The following WDR72 variants were observed in gnomAD, a reference collection of about 807,000 sequenced individuals.
WDR72 encodes the protein WD repeat domain 72, also known as WD repeat-containing protein 72.
A neutral mutation model predicts 124.2 loss-of-function variants in WDR72; 120 were observed. The observed-to-expected ratio is 0.97, with a 90% CI of 0.83 to 1.12. WDR72 has a LOEUF of 1.12. Among genes scored for constraint, WDR72 ranks in the 50% most tolerant of loss-of-function variants. The pLI is 0.00. For synonymous variants in WDR72, 452 were observed against 441.7 expected (o/e 1.02, Z -0.29); for missense variants, 1,387 against 1,278.8 (o/e 1.08, Z -1.29).
At chr15:53,662,377 T>A (rs963886194) in intron 14 of WDR72, among the ~76,000 whole-genome samples, 2 of 152,208 alleles carry the variant, frequency 1.3e-5, no homozygotes, top group Non-Finnish European at 2.9e-5. Context: ...CAGATCTATA[T>A]GCACTTGCTT....
chr15:53,690,500 T>G (rs1296752053), intron 13 of WDR72, among the ~76,000 whole-genome samples: 1 of 152,164 alleles, frequency 6.6e-6, no homozygotes, highest in Non-Finnish European at 1.5e-5. Flanking sequence ...TGGATTTGCC[T>G]TTTTTGGATA....
intron 13 of WDR72, among the ~76,000 whole-genome samples, chr15:53,676,431 C>T (rs868254497): frequency 3.9e-5 from 6 of 152,210 alleles, no homozygotes; most frequent in African/African-American, 1.4e-4. Flanking sequence ...TCTCTCCAGC[C>T]ACTCAAACAA....
chr15:53,635,613 C>T (rs572852622), intron 14 of WDR72, among the ~76,000 whole-genome samples: 3 of 152,146 alleles, frequency 2.0e-5, no homozygotes, highest in Admixed American at 6.5e-5. Context: ...ACCACATGTC[C>T]TCACTTATAA....
At chr15:53,694,388 C>T (rs926345769) in intron 13 of WDR72, among the ~76,000 whole-genome samples, 4 of 152,186 alleles carry the variant, frequency 2.6e-5, no homozygotes, top group Non-Finnish European at 4.4e-5. Flanking sequence ...CACGAACAGC[C>T]TCCCCACTTG....
At chr15:53,633,137 T>C (rs2014494840) in intron 14 of WDR72, among the ~76,000 whole-genome samples, 1 of 152,162 alleles carries the variant, frequency 6.6e-6, no homozygotes, top group Non-Finnish European at 1.5e-5. Context: ...TGAAATGTAA[T>C]CCCCAATGCT....
intron 18 of WDR72, among the ~76,000 whole-genome samples, chr15:53,536,852 C>T (rs1892789786): frequency 6.6e-6 from 1 of 152,138 alleles, no homozygotes; most frequent in Admixed American, 6.5e-5. Flanking sequence ...AGGATTAAGG[C>T]TTTTGCATGA....
chr15:53,706,350 G>GTATATATATATATATATATATATA (rs56246540), intron 9 of WDR72, among the ~76,000 whole-genome samples: 1 of 25,762 alleles, frequency 3.9e-5, no homozygotes, highest in Non-Finnish European at 7.5e-5. Flanking sequence ...GTGTGTGTGT[G>GTATATATATATATATATATATATA]TATATATATA....
At chr15:53,587,833 T>C (rs1445068633) in intron 18 of WDR72, among the ~76,000 whole-genome samples, 1 of 152,096 alleles carries the variant, frequency 6.6e-6, no homozygotes, top group Non-Finnish European at 1.5e-5. Flanking sequence ...TGCACAAATA[T>C]ACATAAAGGG....
intron 14 of WDR72, among the ~76,000 whole-genome samples, chr15:53,656,087 C>A (rs543125057): frequency 6.6e-6 from 1 of 152,296 alleles, no homozygotes; most frequent in Admixed American, 6.5e-5. Context: ...TTTGATTGTG[C>A]ATGGAGTTAA....
At chr15:53,597,873 C>G (rs933807573) in intron 17 of WDR72, among the ~76,000 whole-genome samples, 1 of 152,130 alleles carries the variant, frequency 6.6e-6, no homozygotes, top group Non-Finnish European at 1.5e-5. Flanking sequence ...GAAAGGGACA[C>G]TTGCCACAGA....
chr15:53,708,637 T>C (rs2017451596), intron 9 of WDR72, among the ~76,000 whole-genome samples: 1 of 152,202 alleles, frequency 6.6e-6, no homozygotes, highest in African/African-American at 2.4e-5. Flanking sequence ...AATGAGGTTG[T>C]TTGTATGTTT....
chr15:53,673,113 A>G (rs544906704), intron 13 of WDR72, among the ~76,000 whole-genome samples: 10 of 151,568 alleles, frequency 6.6e-5, no homozygotes, highest in Non-Finnish European at 1.5e-4. Flanking sequence ...TGACAGAATA[A>G]GACTGTCTCA....
intron 18 of WDR72, among the ~76,000 whole-genome samples, chr15:53,536,531 T>C (rs547122462): frequency 4.5e-4 from 69 of 152,244 alleles, no homozygotes; most frequent in Non-Finnish European, 8.8e-4. Flanking sequence ...GTTACTCTCC[T>C]ACATCTATAA....
intron 1 of WDR72, 114 bp from the exon 2 acceptor site, chr15:53,733,275 G>T: frequency 1.7e-6 from 2 of 1,174,634 alleles, no homozygotes; most frequent in East Asian, 2.5e-5. Context: ...TGTTCTCCCA[G>T]TGCTATGGAA....
chr15:53,574,015 C>T (rs1410273456), intron 18 of WDR72, among the ~76,000 whole-genome samples: 1 of 152,170 alleles, frequency 6.6e-6, no homozygotes, highest in Non-Finnish European at 1.5e-5. Flanking sequence ...TAGAAATACA[C>T]CCAGATTGAA....
At chr15:53,616,358 A>T in intron 14 of WDR72, 115 bp from the exon 15 acceptor site, 1 of 746,240 alleles carries the variant, frequency 1.3e-6, no homozygotes, top group South Asian at 2.1e-5. Flanking sequence ...GCTAAAGGCA[A>T]GTCATTTCAA....
chr15:53,650,893 G>GTTTT lies in WDR72; in HGVS notation c.1962+14675_1962+14678dup, dbSNP rs71297666. On this transcript the variant is annotated intron_variant, in intron 14 of 19. Transcript: ENST00000360509. ...CAGACACACTCTCTCCTCTAATTCA[G>GTTTT]TTTTTTTTTTTTTTTTTTTTTTTAC... 8.3e-3 allele frequency among the ~76,000 whole-genome samples: 882 copies of GTTTT among 106,694 alleles called. 41 individuals carry two copies. Among genetic ancestry groups the GTTTT allele is most frequent in the South Asian group, 0.028 (77 of 2,704 alleles). 70.0% of individuals were successfully genotyped at this position (106,694 alleles called of 152,430 possible).
At chr15:53,526,846 T>C (rs555126664) in intron 18 of WDR72, among the ~76,000 whole-genome samples, 16 of 152,202 alleles carry the variant, frequency 1.1e-4, no homozygotes, top group African/African-American at 3.6e-4. Flanking sequence ...GATTCTGAAA[T>C]AGTCCACATT....
intron 18 of WDR72, among the ~76,000 whole-genome samples, chr15:53,595,485 A>AT (rs765426873): frequency 1.1e-4 from 16 of 152,280 alleles, no homozygotes; most frequent in African/African-American, 2.6e-4. Flanking sequence ...TGACAGAAAA[A>AT]TTCATCTAAA....
Sources: allele counts gnomAD v4.1 joint callset (sites outside exome capture counted in the v4.1 genomes callset), GRCh38; gene constraint gnomAD v4.1.1; transcripts MANE v1.5; gene names NCBI Gene and HGNC (gene_info 2026-07-23, HGNC 2026-07-21).